Variants in CACNB4 observed in about 807,000 individuals in gnomAD.
CACNB4 encodes the protein calcium voltage-gated channel auxiliary subunit beta 4.
In CACNB4, 32 loss-of-function variants were observed where a neutral mutation model predicts 71.2. That is an observed-to-expected ratio of 0.45 (90% CI 0.34 to 0.60). CACNB4 has a LOEUF of 0.60. Among genes scored for constraint, CACNB4 ranks in the 20% least tolerant of loss-of-function variants. The pLI is 0.01. For missense variants in CACNB4, 464 were observed against 647.9 expected, an observed-to-expected ratio of 0.72 and a Z score of 3.08; for synonymous variants, 231 against 236.9, an observed-to-expected ratio of 0.97 and a Z score of 0.23.
chr2:151,913,250 CT>C (rs1405059971), intron 2 of CACNB4, among the ~76,000 whole-genome samples: 1 of 152,082 alleles, frequency 6.6e-6, no homozygotes, highest in African/African-American at 2.4e-5. Context: ...GATGCAGTTT[CT>C]TCATAATGTC....
intron 2 of CACNB4, among the ~76,000 whole-genome samples, chr2:152,078,185 G>A (rs114062281): frequency 6.6e-6 from 1 of 152,282 alleles, no homozygotes; most frequent in African/African-American, 2.4e-5. Context: ...CTGGGAGGAT[G>A]TTCTGCTGCA....
intron 2 of CACNB4, among the ~76,000 whole-genome samples, chr2:151,921,174 TAAATAAATAAG>T (rs1160643748): frequency 3.5e-5 from 2 of 56,664 alleles, no homozygotes; most frequent in East Asian, 7.2e-4. Context: ...AATAAATAAA[TAAATAAATAAG>T]TTAAAAAAAA....
intron 2 of CACNB4, among the ~76,000 whole-genome samples, chr2:151,987,448 T>C (rs1290288657): frequency 7.2e-5 from 11 of 152,116 alleles, no homozygotes; most frequent in Admixed American, 7.2e-4. Flanking sequence ...GACATCATCC[T>C]CAAAAAAGCC....
intron 2 of CACNB4, among the ~76,000 whole-genome samples, chr2:151,932,167 A>G (rs2099861787): frequency 6.6e-6 from 1 of 152,070 alleles, no homozygotes; most frequent in Admixed American, 6.5e-5. Context: ...CATAAAATAT[A>G]AAAACATTTT....
chr2:152,008,563 G>A (rs1001934576), intron 2 of CACNB4, among the ~76,000 whole-genome samples: 1 of 152,092 alleles, frequency 6.6e-6, no homozygotes, highest in African/African-American at 2.4e-5. Context: ...GCCTCCCAAA[G>A]TGCCGGGATT....
intron 2 of CACNB4, among the ~76,000 whole-genome samples, chr2:152,002,590 T>C (rs1314874560): frequency 1.3e-5 from 2 of 152,248 alleles, no homozygotes; most frequent in Non-Finnish European, 2.9e-5. Flanking sequence ...AATTGTTGCC[T>C]TGGTCAAGTT....
At chr2:151,918,231 A>G (rs1022332161) in intron 2 of CACNB4, among the ~76,000 whole-genome samples, 2 of 152,234 alleles carry the variant, frequency 1.3e-5, no homozygotes, top group African/African-American at 4.8e-5. Context: ...GTCATTCAGC[A>G]TTGATTGAAG....
intron 2 of CACNB4, among the ~76,000 whole-genome samples, chr2:151,903,340 C>T (rs1418745891): frequency 4.0e-5 from 6 of 151,798 alleles, no homozygotes; most frequent in Non-Finnish European, 7.4e-5. Context: ...ACAGCAAAAC[C>T]GCATCTCTAC....
At position 152,077,663 on chromosome 2, in the gene CACNB4, G is replaced by A. The variant is rs542572246; in HGVS notation, c.147+20667C>T. On this transcript the variant is annotated intron_variant, in intron 2 of 13. Transcript: ENST00000539935. ...GGAGAAACGCCTGAACCTGAGAGGC[G>A]GAGATTGCAGTGAGCCAAGATTGTG... Among the ~76,000 whole-genome samples the A allele has an allele frequency of 1.5e-3, 223 of 152,078 alleles. 1 individual carries two copies. The highest frequency in any genetic ancestry group is 4.9e-3 in the African/African-American group (205 of 41,494).
intron 2 of CACNB4, chr2:151,971,644 C>T (rs1421267781): frequency 2.8e-6 from 2 of 702,558 alleles, no homozygotes; most frequent in Non-Finnish European, 5.2e-6. Flanking sequence ...TAGGCCTAGT[C>T]TTCTCCATTG....
chr2:152,077,508 G>A (rs534836549), intron 2 of CACNB4, among the ~76,000 whole-genome samples: 139 of 152,284 alleles, frequency 9.1e-4, no homozygotes, highest in African/African-American at 2.7e-3. Flanking sequence ...AGCCAAGATC[G>A]CGCCACTGCA....
chr2:151,983,275 G>A (rs6756595), intron 2 of CACNB4, among the ~76,000 whole-genome samples: 69,200 of 152,026 alleles, frequency 0.46, 19,539 homozygotes, highest in Non-Finnish European at 0.63. Flanking sequence ...AAAAATATCC[G>A]CCACCTTTTA....
intron 2 of CACNB4, among the ~76,000 whole-genome samples, chr2:151,987,213 C>T (rs1482095844): frequency 1.3e-5 from 2 of 152,196 alleles, no homozygotes; most frequent in Non-Finnish European, 2.9e-5. Context: ...CACCAACCAC[C>T]TTGAGCTCTT....
rs2099836327 is a variant in CACNB4, at chr2:151,841,932, G to A, written c.1273C>T (p.Pro425Ser). ...AACCCAGAAATTGCTGTGGGATATG[G>A]TGAGAGTGCCGTGGAGCCCAAATTC... ...GRNLGSTALS[P>S]YPTAISGLQS... The change falls in exon 13 of 14, where the codon CCA (proline) becomes TCA (serine). Residue 425 changes from proline (P) to serine (S), a missense_variant. By Grantham distance (74) the Pro-to-Ser change is moderately conservative (BLOSUM62 -1). Around this residue, in one of 3 missense-constraint regions of CACNB4, gnomAD observed 115 missense variants for 128.8 expected, o/e 0.89. Transcript: ENST00000539935. The A allele has an allele frequency of 6.2e-7, 1 of 1,613,902 alleles. No homozygotes were observed. Among genetic ancestry groups the A allele is most frequent in the African/African-American group, 1.3e-5 (1 of 75,030 alleles).
intron 2 of CACNB4, among the ~76,000 whole-genome samples, chr2:151,996,876 G>A (rs1020635187): frequency 2.0e-5 from 3 of 152,136 alleles, no homozygotes; most frequent in African/African-American, 7.2e-5. Flanking sequence ...CACAGGAAAG[G>A]CTCAAGAGAA....
At chr2:151,971,803 G>A (rs2099872624) in intron 2 of CACNB4, 3 of 567,950 alleles carry the variant, frequency 5.3e-6, no homozygotes, top group South Asian at 4.0e-5. Flanking sequence ...TTTCAATCCC[G>A]CCCACCTGAA....
Position 151,880,853 on chromosome 2 carries a change from C to A in CACNB4, c.337G>T (p.Val113Phe), listed in dbSNP as rs886054968. Residue 113 changes from valine (V) to phenylalanine (F), a missense_variant, in exon 4 of 14, where the codon GTT becomes TTT. Transcript: ENST00000539935. ...YCGALDEDVP[V>F]PSTAISFDAK... ...TCAAAGGAGATAGCTGTGCTTGGAA[C>A]AGGCACATCCTCGTCCAGGGCGCCG... 6.2e-7 allele frequency: 1 copy of A among 1,613,758 alleles called. No individual in the cohort carries two copies.
At chr2:151,898,680 T>A (rs2099852658) in intron 2 of CACNB4, among the ~76,000 whole-genome samples, 1 of 152,380 alleles carries the variant, frequency 6.6e-6, no homozygotes, top group African/African-American at 2.4e-5. Context: ...AAGGAATAAT[T>A]CCTATTTTAA....
At chr2:152,004,658 A>G (rs1682622493) in intron 2 of CACNB4, among the ~76,000 whole-genome samples, 1 of 152,056 alleles carries the variant, frequency 6.6e-6, no homozygotes, top group African/African-American at 2.4e-5. Context: ...TTGACTTATG[A>G]AATGACAGAG....
Sources: allele counts gnomAD v4.1 joint callset (sites outside exome capture counted in the v4.1 genomes callset), GRCh38; gene constraint gnomAD v4.1.1; regional missense constraint gnomAD v4.1.1; transcripts MANE v1.5; gene names NCBI Gene and HGNC (gene_info 2026-07-23, HGNC 2026-07-21).